The following FH variants were observed in gnomAD, a reference collection of about 807,000 sequenced individuals.
The protein encoded by FH is fumarate hydratase.
In FH, 22 loss-of-function variants were observed where a neutral mutation model predicts 49.4. The observed-to-expected ratio is 0.45, with a 90% CI of 0.32 to 0.64. The LOEUF is 0.64. Among genes scored for constraint, FH ranks in the 30% least tolerant of loss-of-function variants. The probability of loss-of-function intolerance (pLI) is 0.05; values close to 1 mark genes in which losing one functional copy is unlikely to be tolerated. For missense variants in FH, 526 were observed against 641.5 expected (o/e 0.82, Z 1.95); for synonymous variants, 208 against 223.0 (o/e 0.93, Z 0.60).
At chr1:241,518,518 T>C (rs1214915283) in intron 1 of FH, among the ~76,000 whole-genome samples, 2 of 152,240 alleles carry the variant, frequency 1.3e-5, no homozygotes, top group Non-Finnish European at 2.9e-5. Flanking sequence ...AATCAAATTA[T>C]CTTGAAGTTT....
intron 4 of FH, 46 bp downstream of exon 4, chr1:241,511,921 T>C: frequency 1.3e-6 from 2 of 1,577,922 alleles, no homozygotes; most frequent in South Asian, 1.1e-5. Flanking sequence ...ATCTCAGGTA[T>C]GCTTTTCAAT....
chr1:241,512,237 G>T, intron 3 of FH, 94 bp from the exon 4 acceptor site: 1 of 1,059,668 alleles, frequency 9.4e-7, no homozygotes, highest in Non-Finnish European at 1.4e-6. Context: ...ACATATCTAA[G>T]CTTCTGAAGC....
intron 8 of FH, among the ~76,000 whole-genome samples, chr1:241,501,291 T>C (rs1294372766): frequency 6.6e-6 from 1 of 152,210 alleles, no homozygotes; most frequent in Non-Finnish European, 1.5e-5. Context: ...CTCTAAGACA[T>C]ATAATCTAAG....
rs199971078 is a variant in FH at position 241,519,717 on chromosome 1, G to A, written c.6C>T (p.Tyr2=). The part of the protein sequence containing the change: M[Y]RALRLLARSR... ...AGCGCGCGAGGAGCCGAAGTGCTCGGTACATGGTGCTGAGGGAGCTTGGGT... is the reference window on the plus strand; with the variant it reads ...AGCGCGCGAGGAGCCGAAGTGCTCGATACATGGTGCTGAGGGAGCTTGGGT... The change falls in exon 1 of 10, where the codon TAC becomes TAT. Residue 2 remains tyrosine (Y), a synonymous_variant. Transcript: ENST00000366560. 1.3e-4 allele frequency: 199 copies of A among 1,544,456 alleles called. No homozygotes were observed. The highest frequency in any genetic ancestry group is 4.4e-4 in the Middle Eastern group (2 of 4,578).
At chr1:241,518,601 G>C (rs968057892) in intron 1 of FH, among the ~76,000 whole-genome samples, 1 of 152,066 alleles carries the variant, frequency 6.6e-6, no homozygotes, top group African/African-American at 2.4e-5. Context: ...CTCGCTACAT[G>C]GTATTTTCAC....
chr1:241,509,778 AACACACACACACACACACACACACAC>A (rs71174810), intron 4 of FH, among the ~76,000 whole-genome samples: 1 of 139,288 alleles, frequency 7.2e-6, no homozygotes, highest in South Asian at 2.4e-4. Flanking sequence ...ACAATCTCTA[AACACACACACACACACACACACACAC>A]ACACACACAC....
intron 9 of FH, among the ~76,000 whole-genome samples, chr1:241,499,848 T>A (rs1193792714): frequency 6.6e-6 from 1 of 152,218 alleles, no homozygotes; most frequent in African/African-American, 2.4e-5. Flanking sequence ...CAAATCTGTA[T>A]GTTTGATTCT....
chr1:241,503,099 C>G (rs1221601992), intron 7 of FH, among the ~76,000 whole-genome samples: 1 of 152,134 alleles, frequency 6.6e-6, no homozygotes, highest in Non-Finnish European at 1.5e-5. Flanking sequence ...GGACAAGCTC[C>G]AAGTTTGAAT....
chr1:241,511,140 C>A (rs1227484426), intron 4 of FH, among the ~76,000 whole-genome samples: 8 of 152,134 alleles, frequency 5.3e-5, no homozygotes, highest in African/African-American at 1.7e-4. Context: ...GGAGATGCGG[C>A]CTTTGCAAGG....
Position 241,502,590 on chromosome 1 carries a change from GAC to G in FH, c.1109-22_1109-21del, listed in dbSNP as rs1659810984. 2 of 1,613,576 alleles carry G rather than the reference GAC, an allele frequency of 1.2e-6. No individual in the cohort carries two copies. Among genetic ancestry groups the G allele is most frequent in the Non-Finnish European group, 1.7e-6 (2 of 1,179,552 alleles). On this transcript the variant is annotated intron_variant, in intron 7 of 9. Coordinates refer to ENST00000366560, the MANE Select transcript of FH (RefSeq NM_000143.4). ...CCTTGCCTTCAAGAAAACCACCAAT[GAC>G]AGAGTAAAGACTAAATTTATGCAAA...
intron 8 of FH, among the ~76,000 whole-genome samples, chr1:241,501,638 CAT>C (rs1659782616): frequency 1.3e-5 from 2 of 152,052 alleles, no homozygotes; most frequent in Admixed American, 1.3e-4. Flanking sequence ...AAATATACTC[CAT>C]ATTTGTCATT....
At position 241,508,602 on chromosome 1, in the gene FH, C is replaced by T. The variant is rs1659988368; in HGVS notation, c.738+1G>A. 6.2e-7 allele frequency: 1 copy of T among 1,611,998 alleles called. No homozygotes were observed. The highest frequency in any genetic ancestry group is 2.2e-5 in the East Asian group (1 of 44,840). On this transcript the variant is annotated splice_donor_variant, in intron 5 of 9. Coordinates refer to ENST00000366560, the MANE Select transcript of FH (RefSeq NM_000143.4). LOFTEE classifies it high-confidence loss of function. The stretch of plus-strand genomic sequence containing the variant: ...GAATCAAATTAGTCAAACTCCTATA[C>T]CTGCCCAAGAGTAAGTGGAACAGCA...
intron 7 of FH, among the ~76,000 whole-genome samples, chr1:241,503,689 C>A (rs1029380565): frequency 1.3e-5 from 2 of 152,258 alleles, no homozygotes; most frequent in Admixed American, 6.5e-5. Context: ...CAGACATACA[C>A]TGTTGTGTCA....
chr1:241,503,979 T>C, intron 7 of FH, 63 bp downstream of exon 7: 2 of 1,459,316 alleles, frequency 1.4e-6, no homozygotes, highest in South Asian at 1.2e-5. Flanking sequence ...ACATGGTCCA[T>C]AGCTAAGAAT....
At chr1:241,519,484 C>G in intron 1 of FH, 107 bp downstream of exon 1, 1 of 1,373,374 alleles carries the variant, frequency 7.3e-7, no homozygotes, top group Non-Finnish European at 9.7e-7. Context: ...CTGGCGCGGC[C>G]CGGACGCCCG....
rs1168674951 is a variant in FH at position 241,500,382 on chromosome 1, G to GT, written c.1390+54dup. 3.0e-5 allele frequency: 47 copies of GT among 1,561,486 alleles called. No homozygotes were observed. The East Asian group carries it at 7.2e-4, about 24-fold the overall frequency. ...CTGATCCACTTGTCTCTTAAAAATG[G>GT]TTTAGCTTTTTAATTTTGCATTCAA... On this transcript the variant is annotated intron_variant, in intron 9 of 9. Coordinates refer to ENST00000366560, the MANE Select transcript of FH (RefSeq NM_000143.4).
rs576308706 is a variant in FH, at chr1:241,509,095, C to T, written c.556-310G>A. Among the ~76,000 whole-genome samples the T allele has an allele frequency of 6.7e-5, 10 of 149,246 alleles. 1 individual carries two copies. In the South Asian group the frequency reaches 1.7e-3, roughly 25 times the overall value. ...ATATTATGTATTATATTATGTATTA[C>T]GTATTATATCTGCCTGCTAATAAAT... On this transcript the variant is annotated intron_variant, in intron 4 of 9. Transcript: ENST00000366560.
chr1:241,518,690 C>G (rs1377425232), intron 1 of FH, among the ~76,000 whole-genome samples: 1 of 152,324 alleles, frequency 6.6e-6, no homozygotes, highest in Non-Finnish European at 1.5e-5. Flanking sequence ...GATTGCAAAC[C>G]TCATGCTACA....
At chr1:241,500,368 G>T in intron 9 of FH, 69 bp downstream of exon 9, 2 of 1,468,494 alleles carry the variant, frequency 1.4e-6, no homozygotes, top group Non-Finnish European at 1.9e-6. Context: ...TGATCCACTT[G>T]TCTCTTAAAA....
Sources: allele counts gnomAD v4.1 joint callset (sites outside exome capture counted in the v4.1 genomes callset), GRCh38; gene constraint gnomAD v4.1.1; transcripts MANE v1.5; gene names NCBI Gene and HGNC (gene_info 2026-07-23, HGNC 2026-07-21).